Variants in TNPO1 observed in about 807,000 individuals in gnomAD.
TNPO1 encodes the protein transportin 1.
In TNPO1, 8 loss-of-function variants were observed where a neutral mutation model predicts 119.5. The ratio of observed to expected loss-of-function variants is 0.07; its 90% CI spans 0.04 to 0.12. TNPO1 has a LOEUF of 0.12. Among genes scored for constraint, TNPO1 ranks in the 10% least tolerant of loss-of-function variants. The probability of loss-of-function intolerance (pLI) is 1.00; values close to 1 mark genes in which losing one functional copy is unlikely to be tolerated. For missense variants in TNPO1, 576 were observed against 1,089.8 expected (o/e 0.53, Z 6.64); for synonymous variants, 362 against 363.0 (o/e 1.00, Z 0.03).
At chr5:72,875,959 C>A (rs1279512347) in intron 8 of TNPO1, among the ~76,000 whole-genome samples, 1 of 152,128 alleles carries the variant, frequency 6.6e-6, no homozygotes, top group Non-Finnish European at 1.5e-5. Context: ...GCCTCCTTTT[C>A]ACTTCCAAAG....
intron 1 of TNPO1, among the ~76,000 whole-genome samples, chr5:72,846,950 T>C (rs894979344): frequency 6.6e-5 from 10 of 152,170 alleles, no homozygotes; most frequent in African/African-American, 2.4e-4. Flanking sequence ...TATTATAAAA[T>C]ATAATGTGCA....
chr5:72,826,381 G>A (rs947143210), intron 1 of TNPO1, among the ~76,000 whole-genome samples: 7 of 152,056 alleles, frequency 4.6e-5, no homozygotes, highest in African/African-American at 1.7e-4. Context: ...CAAAAAATAC[G>A]TGACATATAT....
chr5:72,850,298 CTG>C (rs769369401), intron 2 of TNPO1, among the ~76,000 whole-genome samples: 2 of 152,122 alleles, frequency 1.3e-5, no homozygotes, highest in Admixed American at 1.3e-4. Flanking sequence ...TGTTGTTAAT[CTG>C]GGCCATTCAC....
At chr5:72,817,960 C>G (rs1047068684) in intron 1 of TNPO1, among the ~76,000 whole-genome samples, 1 of 152,280 alleles carries the variant, frequency 6.6e-6, no homozygotes, top group African/African-American at 2.4e-5. Context: ...TACCTGGCAC[C>G]GTAGTTGTTC....
intron 1 of TNPO1, among the ~76,000 whole-genome samples, chr5:72,834,021 A>C (rs1242309859): frequency 2.6e-5 from 4 of 152,148 alleles, no homozygotes; most frequent in Non-Finnish European, 5.9e-5. Context: ...CATGCATTTC[A>C]GTCAACGATG....
Position 72,906,721 on chromosome 5 carries a change from T to A in TNPO1, c.*35+1276T>A, listed in dbSNP as rs1229328291. Among the ~76,000 whole-genome samples the A allele has an allele frequency of 2.6e-5, 4 of 152,322 alleles. No individual in the cohort carries two copies. In the South Asian group the frequency reaches 8.3e-4, roughly 32 times the overall value. On this transcript the variant is annotated intron_variant, in intron 24 of 24. Coordinates refer to ENST00000337273, the MANE Select transcript of TNPO1 (RefSeq NM_002270.4). ...GACTAGCAGTTCTCATCTCTGAGCT[T>A]CGGTTTTGTCATTGAGTTATGTTGA...
intron 14 of TNPO1, among the ~76,000 whole-genome samples, chr5:72,891,209 G>C (rs2112454134): frequency 6.6e-6 from 1 of 152,080 alleles, no homozygotes; most frequent in East Asian, 2.0e-4. Context: ...GCTCACACCT[G>C]TAATCCCAGC....
In TNPO1 at chr5:72,911,284, C is replaced by G. The variant is rs1750546450; in HGVS notation, c.*2611C>G. 1 of 151,246 alleles carries G rather than the reference C, an allele frequency of 6.6e-6. No individual in the cohort carries two copies. Among genetic ancestry groups the G allele is most frequent in the South Asian group, 2.1e-4 (1 of 4,812 alleles). The allele number at this position is 151,246 out of a possible 1,614,324, so 9.4% of individuals were successfully genotyped here. On this transcript the variant is annotated 3_prime_UTR_variant, in exon 25 of 25. Transcript: ENST00000337273. The stretch of plus-strand genomic sequence containing the variant: ...TTTCCAGTTAGGCAGATGAATAACA[C>G]TATTAAAAATGCACCCAGTTTTGTA...
In TNPO1 at chr5:72,865,676, C is replaced by T. The variant is rs778372555; in HGVS notation, c.543C>T (p.Asn181=). The T allele has an allele frequency of 3.7e-6, 6 of 1,613,724 alleles. No individual in the cohort carries two copies. The East Asian group carries it at 6.7e-5, about 18-fold the overall frequency. ...LDSDVLDRPL[N]IMIPKFLQFF... is the part of the protein sequence containing the mutation. ...GTGATGTTTTAGATCGTCCTCTCAA[C>T]ATCATGATTCCCAAATTTTTACAGT... The change falls in exon 6 of 25, where the codon AAC becomes AAT. Residue 181 remains asparagine (N), a synonymous_variant. Coordinates refer to ENST00000337273, the MANE Select transcript of TNPO1 (RefSeq NM_002270.4).
chr5:72,853,131 G>A (rs1028056793), intron 3 of TNPO1, among the ~76,000 whole-genome samples: 1 of 152,148 alleles, frequency 6.6e-6, no homozygotes, highest in Non-Finnish European at 1.5e-5. Flanking sequence ...CTTCAGGCCA[G>A]GCAAGGTGGC....
At position 72,888,196 on chromosome 5, in the gene TNPO1, A is replaced by G. The variant is rs759377810; in HGVS notation, c.1422A>G (p.Ala474=). The G allele has an allele frequency of 6.2e-7, 1 of 1,614,108 alleles. No individual in the cohort carries two copies. The highest frequency in any genetic ancestry group is 8.5e-7 in the Non-Finnish European group (1 of 1,180,032). The change falls in exon 13 of 25, where the codon GCA becomes GCG. Residue 474 remains alanine (A), a synonymous_variant. Coordinates refer to ENST00000337273, the MANE Select transcript of TNPO1 (RefSeq NM_002270.4). ...SITCWTLSRY[A]HWVVSQPPDT... is the part of the protein sequence containing the mutation. ...CATGCTGGACTCTTAGCCGCTATGC[A>G]CACTGGGTGGTCAGCCAGCCGCCAG... is the stretch of plus-strand genomic sequence containing the variant.
chr5:72,905,263 CTCT>C (rs750307967), intron 23 of TNPO1, 37 bp from the exon 24 acceptor site: 7 of 1,457,486 alleles, frequency 4.8e-6, no homozygotes, highest in Non-Finnish European at 6.6e-6. Context: ...CTGAATTTTT[CTCT>C]TGTTATTGAT....
chr5:72,838,952 T>G (rs1744804203), intron 1 of TNPO1, among the ~76,000 whole-genome samples: 1 of 152,188 alleles, frequency 6.6e-6, no homozygotes, highest in Non-Finnish European at 1.5e-5. Context: ...TTGAAACTTT[T>G]TAAGCACTGT....
At position 72,891,351 on chromosome 5, in the gene TNPO1, G is replaced by C. The variant is rs192992499; in HGVS notation, c.1702-459G>C. On this transcript the variant is annotated intron_variant, in intron 14 of 24. Transcript: ENST00000337273. Reference sequence around the variant, plus strand: ...GTGGTGGGGGGTGCCTGTAGTCCCAGCTACTCGGGAGGCTGAGGCAGGAGA... The same window carrying C: ...GTGGTGGGGGGTGCCTGTAGTCCCACCTACTCGGGAGGCTGAGGCAGGAGA... Among the ~76,000 whole-genome samples, 1,254 of 152,114 alleles carry C rather than the reference G, an allele frequency of 8.2e-3. 14 individuals are homozygous for C. Among genetic ancestry groups the C allele is most frequent in the African/African-American group, 0.029 (1,189 of 41,498 alleles).
At chr5:72,869,282 C>T (rs577601402) in intron 6 of TNPO1, among the ~76,000 whole-genome samples, 79 of 152,116 alleles carry the variant, frequency 5.2e-4, no homozygotes, top group Non-Finnish European at 1.0e-3. Context: ...CGTAGTGGCT[C>T]ACACCTGTAA....
At chr5:72,821,262 A>G (rs1015174074) in intron 1 of TNPO1, among the ~76,000 whole-genome samples, 8 of 152,160 alleles carry the variant, frequency 5.3e-5, no homozygotes, top group Non-Finnish European at 1.0e-4. Flanking sequence ...TTATTAGTGG[A>G]GCCCCTTTAT....
At chr5:72,872,785 G>A (rs1009320659) in intron 7 of TNPO1, 65 bp downstream of exon 7, 4 of 892,390 alleles carry the variant, frequency 4.5e-6, no homozygotes, top group Non-Finnish European at 6.9e-6. Context: ...GTTAGGTGAT[G>A]CTAACTGCAT....
rs189563957 is a variant in TNPO1 at position 72,820,075 on chromosome 5, T to C, written c.15+3323T>C. On this transcript the variant is annotated intron_variant, in intron 1 of 24. Coordinates refer to ENST00000337273, the MANE Select transcript of TNPO1 (RefSeq NM_002270.4). ...ATGTTTTTTTCTGAGTTTATTGGATTTTTTTCACAGTTGAGACTTTACTAT... is the reference window on the plus strand; with the variant it reads ...ATGTTTTTTTCTGAGTTTATTGGATCTTTTTCACAGTTGAGACTTTACTAT... Among the ~76,000 whole-genome samples the C allele has an allele frequency of 2.1e-3, 323 of 152,324 alleles. 3 individuals carry two copies. The highest frequency in any genetic ancestry group is 7.4e-3 in the African/African-American group (309 of 41,574).
At position 72,816,695 on chromosome 5, in the gene TNPO1, A is replaced by C. The variant is rs1214101250; in HGVS notation, c.-43A>C. 2 of 1,551,242 alleles carry C rather than the reference A, an allele frequency of 1.3e-6. No individual in the cohort carries two copies. Among genetic ancestry groups the C allele is most frequent in the East Asian group, 5.0e-5 (2 of 39,854 alleles). On this transcript the variant is annotated 5_prime_UTR_variant, in exon 1 of 25. Coordinates refer to ENST00000337273, the MANE Select transcript of TNPO1 (RefSeq NM_002270.4). Reference sequence around the variant, plus strand: ...CCATTTCAGGCCCCGGACAGGAGGCAGTGCCGCTTCGGCCGAAGGCCCGAG... The same window carrying C: ...CCATTTCAGGCCCCGGACAGGAGGCCGTGCCGCTTCGGCCGAAGGCCCGAG...
Sources: gnomAD v4.1 joint callset for allele counts (sites outside exome capture counted in the v4.1 genomes callset) on GRCh38, gnomAD v4.1.1 for gene constraint, MANE v1.5 for transcripts, NCBI Gene and HGNC (gene_info 2026-07-23, HGNC 2026-07-21) for gene names.